DLC1: variants seen among roughly 807,000 people sequenced by gnomAD.
The protein encoded by DLC1 is rho GTPase-activating protein 7.
Under a neutral mutation model 140.3 loss-of-function variants are expected in DLC1, and 54 were observed. The observed-to-expected ratio is 0.38, with a 90% CI of 0.31 to 0.48. The LOEUF (loss-of-function observed/expected upper bound fraction) is 0.48, where lower values mean the gene tolerates loss of function less well. Among genes scored for constraint, DLC1 ranks in the 20% least tolerant of loss-of-function variants. DLC1 has a pLI of 0.96. For missense variants in DLC1, 2,536 were observed against 1,907.0 expected (o/e 1.33, Z -6.14); for synonymous variants, 986 against 728.1 (o/e 1.35, Z -5.70).
chr8:13,239,871 C>T (rs1039274892), intron 5 of DLC1, among the ~76,000 whole-genome samples: 7 of 152,110 alleles, frequency 4.6e-5, no homozygotes, highest in African/African-American at 1.4e-4. Flanking sequence ...GCTTGAAGTC[C>T]ATCAGGAGGG....
chr8:13,330,864 G>C (rs888712476), intron 4 of DLC1, among the ~76,000 whole-genome samples: 2 of 152,178 alleles, frequency 1.3e-5, no homozygotes, highest in African/African-American at 2.4e-5. Context: ...TCATTTTCAT[G>C]AGCGTGGAAA....
chr8:13,409,012 T>G (rs530380507), intron 2 of DLC1, among the ~76,000 whole-genome samples: 1 of 152,156 alleles, frequency 6.6e-6, no homozygotes, highest in South Asian at 2.1e-4. Flanking sequence ...AATGTACCCC[T>G]TATTTTTTTT....
intron 1 of DLC1, among the ~76,000 whole-genome samples, chr8:13,586,052 A>C (rs921717867): frequency 1.2e-4 from 19 of 152,306 alleles, no homozygotes; most frequent in African/African-American, 4.6e-4. Context: ...ATGGCTGCAC[A>C]TTATAATTAT....
intron 4 of DLC1, among the ~76,000 whole-genome samples, chr8:13,316,514 A>T (rs922665234): frequency 6.6e-6 from 1 of 152,164 alleles, no homozygotes; most frequent in Admixed American, 6.5e-5. Context: ...AGAACGCTTT[A>T]TATGGATTCC....
At chr8:13,131,417 C>G (rs1167543660) in intron 5 of DLC1, among the ~76,000 whole-genome samples, 1 of 152,170 alleles carries the variant, frequency 6.6e-6, no homozygotes, top group Non-Finnish European at 1.5e-5. Flanking sequence ...CCAAATACAT[C>G]ATCAATGCCA....
chr8:13,091,241 G>T, intron 14 of DLC1, 77 bp downstream of exon 14: 1 of 1,447,470 alleles, frequency 6.9e-7, no homozygotes, highest in Non-Finnish European at 9.6e-7. Flanking sequence ...GGTAAGACAT[G>T]AACAAGGGTC....
chr8:13,500,798 G>C (rs1052756692), intron 1 of DLC1, among the ~76,000 whole-genome samples: 6 of 142,636 alleles, frequency 4.2e-5, no homozygotes, highest in African/African-American at 1.6e-4. Context: ...AGAATGCATG[G>C]ATTAGAAAGC....
intron 5 of DLC1, among the ~76,000 whole-genome samples, chr8:13,256,294 G>C (rs927600784): frequency 6.6e-6 from 1 of 152,246 alleles, no homozygotes. Context: ...CTAAATTATT[G>C]CAAGAACAAT....
intron 5 of DLC1, among the ~76,000 whole-genome samples, chr8:13,246,220 T>A (rs753935035): frequency 1.6e-4 from 24 of 152,204 alleles, no homozygotes; most frequent in Admixed American, 2.6e-4. Flanking sequence ...TTGAATTAAA[T>A]ACACATTTTT....
intron 5 of DLC1, among the ~76,000 whole-genome samples, chr8:13,271,406 A>C (rs939043686): frequency 6.6e-6 from 1 of 152,196 alleles, no homozygotes; most frequent in Non-Finnish European, 1.5e-5. Flanking sequence ...CCAATGCCCC[A>C]CTGAAGTGAG....
chr8:13,136,256 T>G (rs994105140), intron 5 of DLC1, among the ~76,000 whole-genome samples: 1 of 152,174 alleles, frequency 6.6e-6, no homozygotes, highest in Non-Finnish European at 1.5e-5. Flanking sequence ...ATGCTGAGGT[T>G]TGGGGTACGA....
chr8:13,103,941 T>C (rs751526803), intron 7 of DLC1, among the ~76,000 whole-genome samples: 1 of 151,108 alleles, frequency 6.6e-6, no homozygotes, highest in Non-Finnish European at 1.5e-5. Flanking sequence ...CCAAGTAGAG[T>C]TTTTGGCAAA....
At chr8:13,262,680 C>T (rs1260773967) in intron 5 of DLC1, among the ~76,000 whole-genome samples, 2 of 152,182 alleles carry the variant, frequency 1.3e-5, no homozygotes, top group African/African-American at 4.8e-5. Context: ...CCTGCCTCGG[C>T]CTCCCAAGGT....
intron 1 of DLC1, among the ~76,000 whole-genome samples, chr8:13,580,389 G>A (rs1485368811): frequency 1.3e-5 from 2 of 152,180 alleles, no homozygotes; most frequent in African/African-American, 4.8e-5. Flanking sequence ...CCAAAGTGCT[G>A]GGATTACAGG....
chr8:13,370,026 C>T lies in DLC1; in HGVS notation c.1314+23527G>A, dbSNP rs1452199121. Among the ~76,000 whole-genome samples the T allele has an allele frequency of 2.6e-5, 4 of 150,986 alleles. No homozygotes were observed. In the East Asian group the frequency reaches 7.7e-4, roughly 29 times the overall value. On this transcript the variant is annotated intron_variant, in intron 4 of 17. Coordinates refer to ENST00000276297, the MANE Select transcript of DLC1 (RefSeq NM_182643.3). ...CACTTGGCCCCAGAAGAATGACCTCCTGTGGCTTTTCCCAGAACATCTAGT... is the reference window on the plus strand; with the variant it reads ...CACTTGGCCCCAGAAGAATGACCTCTTGTGGCTTTTCCCAGAACATCTAGT...
chr8:13,544,950 A>G (rs912326561), intron 1 of DLC1, among the ~76,000 whole-genome samples: 33 of 152,196 alleles, frequency 2.2e-4, no homozygotes, highest in Admixed American at 9.8e-4. Context: ...GGGGGGCACT[A>G]TTTACATAGA....
At chr8:13,344,994 G>T (rs1200722273) in intron 4 of DLC1, among the ~76,000 whole-genome samples, 1 of 152,188 alleles carries the variant, frequency 6.6e-6, no homozygotes, top group Non-Finnish European at 1.5e-5. Context: ...TATTCTGGAA[G>T]ACTGAAGAGG....
In DLC1 at chr8:13,514,662, G is replaced by C. The variant is rs932703590; in HGVS notation, c.-186C>G. ...ACTGCTCAACACTCAGGCTAGGAAA[G>C]AAGTCCGTCCCCGTTAGTTTCTCCA... On this transcript the variant is annotated 5_prime_UTR_variant, in exon 1 of 18. Transcript: ENST00000276297. 4 of 398,542 alleles carry C rather than the reference G, an allele frequency of 1.0e-5. No individual in the cohort carries two copies. The highest frequency in any genetic ancestry group is 8.2e-5 in the African/African-American group (4 of 48,632). The allele number at this position is 398,542 out of a possible 1,614,324, so 24.7% of individuals were successfully genotyped here. A position where few individuals can be genotyped will look rare whatever the true frequency, so the allele number is the denominator to read the frequency against.
intron 1 of DLC1, among the ~76,000 whole-genome samples, chr8:13,569,970 C>T (rs1013051907): frequency 6.6e-6 from 1 of 152,214 alleles, no homozygotes; most frequent in Non-Finnish European, 1.5e-5. Context: ...AAGCAATCCT[C>T]CTGTCTCAGC....
Sources: allele counts gnomAD v4.1 joint callset (sites outside exome capture counted in the v4.1 genomes callset), GRCh38; gene constraint gnomAD v4.1.1; transcripts MANE v1.5; gene names NCBI Gene and HGNC (gene_info 2026-07-23, HGNC 2026-07-21).